TRIO: variants seen among roughly 807,000 people sequenced by gnomAD.
TRIO encodes the protein trio Rho guanine nucleotide exchange factor.
A neutral mutation model predicts 351.9 loss-of-function variants in TRIO; 58 were observed. The observed-to-expected ratio is 0.16, with a 90% confidence interval of 0.13 to 0.21. TRIO has a LOEUF of 0.21. TRIO is among the 10% of genes least tolerant of loss of function. The probability of loss-of-function intolerance (pLI) is 1.00; values close to 1 mark genes in which losing one functional copy is unlikely to be tolerated. For synonymous variants in TRIO, 1,758 were observed against 1,595.7 expected, an observed-to-expected ratio of 1.10 and a Z score of -2.42; for missense variants, 3,201 against 4,027.8, an observed-to-expected ratio of 0.79 and a Z score of 5.56.
chr5:14,149,838 A>G (rs773410183), intron 1 of TRIO, among the ~76,000 whole-genome samples: 2 of 152,246 alleles, frequency 1.3e-5, no homozygotes, highest in Non-Finnish European at 2.9e-5. Context: ...GAAAGCTTTC[A>G]TGAAAACTTA....
chr5:14,410,814 G>T (rs749607544), intron 33 of TRIO, among the ~76,000 whole-genome samples: 3 of 152,206 alleles, frequency 2.0e-5, no homozygotes, highest in Non-Finnish European at 4.4e-5. Context: ...AGGGAGCACT[G>T]TCAGCAGAGC....
intron 34 of TRIO, among the ~76,000 whole-genome samples, chr5:14,427,511 C>T (rs1750748718): frequency 6.6e-6 from 1 of 152,194 alleles, no homozygotes; most frequent in Admixed American, 6.5e-5. Flanking sequence ...CAGAATACAA[C>T]CAGTTACCAG....
chr5:14,366,832 C>T, intron 15 of TRIO, 28 bp from the exon 16 acceptor site: 2 of 1,613,626 alleles, frequency 1.2e-6, no homozygotes, highest in Non-Finnish European at 1.7e-6. Flanking sequence ...AAGTCCACTG[C>T]TTGGAGTTAT....
At chr5:14,329,736 A>T (rs1013888769) in intron 9 of TRIO, among the ~76,000 whole-genome samples, 7 of 152,238 alleles carry the variant, frequency 4.6e-5, no homozygotes, top group Non-Finnish European at 8.8e-5. Flanking sequence ...AGCTAAAGAC[A>T]TCACTGACTT....
intron 8 of TRIO, among the ~76,000 whole-genome samples, chr5:14,314,620 T>C (rs1250843644): frequency 1.3e-5 from 2 of 152,234 alleles, no homozygotes; most frequent in Non-Finnish European, 2.9e-5. Context: ...CGTGTATTTA[T>C]GTGTTAAAAA....
chr5:14,404,183 C>T (rs935287584), intron 31 of TRIO, among the ~76,000 whole-genome samples: 2 of 151,734 alleles, frequency 1.3e-5, no homozygotes, highest in Non-Finnish European at 2.9e-5. Flanking sequence ...GTGGTAGTGG[C>T]GATGATGATG....
chr5:14,202,722 C>T (rs1157556762), intron 1 of TRIO, among the ~76,000 whole-genome samples: 1 of 148,168 alleles, frequency 6.7e-6, no homozygotes, highest in East Asian at 2.0e-4. Context: ...GCCGCCAAGA[C>T]GTCTGTGACT....
Position 14,317,779 on chromosome 5 carries a change from C to G in TRIO, c.1731+1036C>G, listed in dbSNP as rs182795071. Among the ~76,000 whole-genome samples, 1,198 of 152,104 alleles carry G rather than the reference C, an allele frequency of 7.9e-3. 7 individuals are homozygous for G. The highest frequency in any genetic ancestry group is 0.041 in the Middle Eastern group (12 of 294). ...GGCTGAGATGGCAGATCGCTTGACG[C>G]CAGGAGTTTGAGACCAGCCTGGCCA... On this transcript the variant is annotated intron_variant, in intron 9 of 56. Coordinates refer to ENST00000344204, the MANE Select transcript of TRIO (RefSeq NM_007118.4).
intron 1 of TRIO, among the ~76,000 whole-genome samples, chr5:14,210,111 C>CA (rs1791792269): frequency 6.6e-6 from 1 of 152,168 alleles, no homozygotes; most frequent in South Asian, 2.1e-4. Flanking sequence ...CAGGTGGGGT[C>CA]AGGGGGAGTC....
chr5:14,347,547 C>G (rs1409663842), intron 11 of TRIO, among the ~76,000 whole-genome samples: 4 of 152,260 alleles, frequency 2.6e-5, no homozygotes, highest in African/African-American at 9.6e-5. Context: ...CATCCCAATT[C>G]AGGCATCCGG....
intron 7 of TRIO, among the ~76,000 whole-genome samples, chr5:14,300,110 T>C (rs1737750234): frequency 6.6e-6 from 1 of 152,266 alleles, no homozygotes; most frequent in Middle Eastern, 3.2e-3. Context: ...ACAGTGTTAA[T>C]GTTGTTACTG....
intron 33 of TRIO, among the ~76,000 whole-genome samples, chr5:14,409,046 G>A (rs1748959522): frequency 6.6e-6 from 1 of 152,060 alleles, no homozygotes; most frequent in Non-Finnish European, 1.5e-5. Context: ...CTCTATCCAG[G>A]AAGGGGCTCT....
In TRIO at chr5:14,488,039, G is replaced by A; in HGVS notation, c.7411G>A (p.Glu2471Lys). The change falls in exon 48 of 57, where the codon GAG becomes AAG. Residue 2471 changes from glutamate (E) to lysine (K), a missense_variant. Coordinates refer to ENST00000344204, the MANE Select transcript of TRIO (RefSeq NM_007118.4). Reference sequence around the variant, plus strand: ...CAGCGCGGTCCCTTCTCTCGGCAAGGAGCCCTTCCCCCCCAGCAGCCCCCT... The same window carrying A: ...CAGCGCGGTCCCTTCTCTCGGCAAGAAGCCCTTCCCCCCCAGCAGCCCCCT... The part of the protein sequence containing the change: ...LSSAVPSLGK[E>K]PFPPSSPLQK... 1 of 1,606,836 alleles carries A rather than the reference G, an allele frequency of 6.2e-7. No homozygotes were observed. The highest frequency in any genetic ancestry group is 8.5e-7 in the Non-Finnish European group (1 of 1,177,772).
intron 34 of TRIO, among the ~76,000 whole-genome samples, chr5:14,446,831 T>TG (rs927755200): frequency 3.3e-5 from 5 of 152,308 alleles, no homozygotes; most frequent in Middle Eastern, 3.4e-3. Context: ...TGTGGTTTAT[T>TG]GGGGGGAAAT....
intron 1 of TRIO, among the ~76,000 whole-genome samples, chr5:14,221,895 A>T (rs1246822530): frequency 2.6e-5 from 4 of 152,254 alleles, no homozygotes; most frequent in Non-Finnish European, 5.9e-5. Context: ...ATTTCGAAAG[A>T]AGTTCTGCTG....
At chr5:14,171,891 T>C (rs1168798896) in intron 1 of TRIO, among the ~76,000 whole-genome samples, 3 of 152,190 alleles carry the variant, frequency 2.0e-5, no homozygotes, top group African/African-American at 2.4e-5. Flanking sequence ...TCTGTAGTTA[T>C]AGAAGATTAT....
chr5:14,242,692 A>G (rs1302915354), intron 1 of TRIO, among the ~76,000 whole-genome samples: 4 of 152,262 alleles, frequency 2.6e-5, no homozygotes, highest in Admixed American at 2.0e-4. Flanking sequence ...CTCCCACCTC[A>G]GCCTCCCGAG....
chr5:14,388,855 C>G (rs977422432), intron 24 of TRIO, among the ~76,000 whole-genome samples, 176 bp downstream of exon 24: 4 of 152,014 alleles, frequency 2.6e-5, no homozygotes, highest in African/African-American at 7.2e-5. Context: ...CTGTAGAGTT[C>G]TAGGTTTGTT....
chr5:14,398,037 C>T (rs988259328), intron 29 of TRIO, among the ~76,000 whole-genome samples: 2 of 152,178 alleles, frequency 1.3e-5, no homozygotes, highest in Non-Finnish European at 2.9e-5. Context: ...CAGACACTAG[C>T]AGTAGTACCC....
Sources: allele counts gnomAD v4.1 joint callset (sites outside exome capture counted in the v4.1 genomes callset), GRCh38; gene constraint gnomAD v4.1.1; transcripts MANE v1.5; gene names NCBI Gene and HGNC (gene_info 2026-07-23, HGNC 2026-07-21).